PHTF2: variants seen among roughly 807,000 people sequenced by gnomAD.
The protein encoded by PHTF2 is putative homeodomain transcription factor 2, also known as protein PHTF2.
Under a neutral mutation model 101.2 loss-of-function variants are expected in PHTF2, and 60 were observed. That is an observed-to-expected ratio of 0.59 (90% CI 0.48 to 0.73). The LOEUF is 0.73. Among genes scored for constraint, PHTF2 ranks in the 30% least tolerant of loss-of-function variants. The probability of loss-of-function intolerance (pLI) is 0.00; values close to 1 mark genes in which losing one functional copy is unlikely to be tolerated. For synonymous variants in PHTF2, 311 were observed against 307.3 expected (o/e 1.01, Z -0.13); for missense variants, 747 against 908.7 (o/e 0.82, Z 2.29).
intron 3 of PHTF2, among the ~76,000 whole-genome samples, chr7:77,888,739 G>T (rs563184211): frequency 1.3e-5 from 2 of 152,068 alleles, no homozygotes; most frequent in African/African-American, 4.8e-5. Flanking sequence ...AATTGAACTT[G>T]GCCTTGCGAT....
chr7:77,951,754 G>C (rs747961916), intron 18 of PHTF2, 42 bp downstream of exon 17: 1 of 799,558 alleles, frequency 1.3e-6, no homozygotes, highest in South Asian at 1.8e-5. Context: ...CAAATATGCT[G>C]TTCTGACATA....
chr7:77,943,914 A>C (rs1805837071), intron 16 of PHTF2, among the ~76,000 whole-genome samples: 1 of 152,128 alleles, frequency 6.6e-6, no homozygotes, highest in Non-Finnish European at 1.5e-5. Context: ...GCTATTCAGG[A>C]GGCTGAGGCA....
intron 1 of PHTF2, among the ~76,000 whole-genome samples, chr7:77,831,830 G>T (rs887773663): frequency 2.0e-5 from 3 of 152,192 alleles, no homozygotes; most frequent in Admixed American, 2.0e-4. Flanking sequence ...GGCACAAAAT[G>T]TCACCGAAAC....
intron 3 of PHTF2, among the ~76,000 whole-genome samples, chr7:77,876,593 T>C (rs1316171627): frequency 6.6e-6 from 1 of 152,144 alleles, no homozygotes; most frequent in Non-Finnish European, 1.5e-5. Flanking sequence ...TTTCTTTGAT[T>C]TAGAAGCTAA....
intron 1 of PHTF2, among the ~76,000 whole-genome samples, chr7:77,806,004 G>A (rs1409726359): frequency 3.3e-5 from 5 of 152,078 alleles, no homozygotes; most frequent in East Asian, 3.8e-4. Context: ...TTGAAACCTC[G>A]TCTCTACTAA....
rs1040389199 is a variant in PHTF2, at chr7:77,841,617, G to A, written c.45+1317G>A. 5.3e-5 allele frequency among the ~76,000 whole-genome samples: 8 copies of A among 152,074 alleles called. 1 individual carries two copies. The highest frequency in any genetic ancestry group is 5.2e-4 in the Admixed American group (8 of 15,274). On this transcript the variant is annotated intron_variant, in intron 2 of 19. Coordinates refer to ENST00000416283, the Ensembl canonical transcript of PHTF2. The stretch of plus-strand genomic sequence containing the variant: ...AGTAGATGGCATGGGATTATGGTCT[G>A]TTTTTAGATGTGTTATTTGTTTTCT...
At chr7:77,926,214 A>G (rs1318639938) in intron 11 of PHTF2, among the ~76,000 whole-genome samples, 2 of 152,342 alleles carry the variant, frequency 1.3e-5, no homozygotes, top group African/African-American at 4.8e-5. Context: ...CAGACGTTAT[A>G]TATAATAAAC....
At chr7:77,895,060 G>A in intron 5 of PHTF2, 1 of 413,188 alleles carries the variant, frequency 2.4e-6, no homozygotes, top group Non-Finnish European at 4.8e-6. Flanking sequence ...TTTGACAAAT[G>A]TACACAGGCA....
Position 77,880,239 on chromosome 7 carries a change from CCT to C in PHTF2, c.148-13368_148-13367del, listed in dbSNP as rs377600460. Among the ~76,000 whole-genome samples the C allele has an allele frequency of 1.5e-4, 23 of 152,184 alleles. No homozygotes were observed. The South Asian group carries it at 1.7e-3, about 11-fold the overall frequency. On this transcript the variant is annotated intron_variant, in intron 3 of 19. Coordinates refer to ENST00000416283, the Ensembl canonical transcript of PHTF2. ...CATAATGTATTTATTAAGCCATTCC[CCT>C]GTTTACAAATAGCATTCGTTAAGTT...
chr7:77,871,565 A>C (rs1395680782), intron 3 of PHTF2, among the ~76,000 whole-genome samples: 1 of 152,242 alleles, frequency 6.6e-6, no homozygotes, highest in African/African-American at 2.4e-5. Flanking sequence ...AAGTGGTGCT[A>C]CTTCCAATTC....
intron 1 of PHTF2, among the ~76,000 whole-genome samples, chr7:77,822,944 G>C (rs1481723639): frequency 7.6e-6 from 1 of 131,294 alleles, no homozygotes; most frequent in East Asian, 2.2e-4. Flanking sequence ...TCGCTCTGTC[G>C]CCCAGGCTGG....
At chr7:77,890,121 A>C (rs1800253549) in intron 3 of PHTF2, among the ~76,000 whole-genome samples, 1 of 151,914 alleles carries the variant, frequency 6.6e-6, no homozygotes, top group Non-Finnish European at 1.5e-5. Context: ...AGTAAAACAA[A>C]TCATTTTATC....
chr7:77,822,019 G>T (rs1218746677), intron 1 of PHTF2, among the ~76,000 whole-genome samples: 1 of 152,220 alleles, frequency 6.6e-6, no homozygotes, highest in Admixed American at 6.5e-5. Flanking sequence ...GGACCTGAGT[G>T]CAGATGTGTA....
At chr7:77,950,101 G>A (rs995706212) in intron 17 of PHTF2, among the ~76,000 whole-genome samples, 1 of 152,082 alleles carries the variant, frequency 6.6e-6, no homozygotes, top group Non-Finnish European at 1.5e-5. Context: ...ACTATGAATG[G>A]GACATGTTTG....
At chr7:77,868,614 A>G (rs1798268924) in intron 3 of PHTF2, among the ~76,000 whole-genome samples, 1 of 152,176 alleles carries the variant, frequency 6.6e-6, no homozygotes, top group South Asian at 2.1e-4. Context: ...TCTCATCTAA[A>G]CAAGTAATTT....
intron 1 of PHTF2, among the ~76,000 whole-genome samples, chr7:77,826,680 A>C: frequency 6.6e-6 from 1 of 152,242 alleles, no homozygotes; most frequent in East Asian, 1.9e-4. Context: ...TCTAACTGCA[A>C]GAAAGGTTAG....
chr7:77,864,282 G>A (rs7790082), intron 3 of PHTF2, among the ~76,000 whole-genome samples: 2,987 of 152,154 alleles, frequency 0.02, 82 homozygotes, highest in African/African-American at 0.067. Context: ...CAAATCTGTT[G>A]TGATCTCCCT....
chr7:77,834,634 T>C (rs1358345985), intron 1 of PHTF2, among the ~76,000 whole-genome samples: 9 of 152,142 alleles, frequency 5.9e-5, no homozygotes, highest in African/African-American at 1.9e-4. Flanking sequence ...CTTTATTGAG[T>C]TGTGGAATAT....
At chr7:77,924,953 C>T (rs755798942) in intron 11 of PHTF2, among the ~76,000 whole-genome samples, 13 of 152,094 alleles carry the variant, frequency 8.5e-5, no homozygotes, top group Non-Finnish European at 1.3e-4. Context: ...GGAGGAATTA[C>T]TTGGTTATCT....
Sources: gnomAD v4.1 joint callset for allele counts (sites outside exome capture counted in the v4.1 genomes callset) on GRCh38, gnomAD v4.1.1 for gene constraint, MANE v1.5 for transcripts, NCBI Gene and HGNC (gene_info 2026-07-23, HGNC 2026-07-21) for gene names.